The following KCP variants were observed in gnomAD, a reference collection of about 807,000 sequenced individuals.
KCP encodes the protein kielin/chordin-like protein.
In KCP, 194 loss-of-function variants were observed where a neutral mutation model predicts 212.7. That is an observed-to-expected ratio of 0.91 (90% confidence interval 0.81 to 1.03). The LOEUF (loss-of-function observed/expected upper bound fraction) is 1.03. Among genes scored for constraint, KCP ranks in the 50% least tolerant of loss-of-function variants. The probability of loss-of-function intolerance (pLI) is 0.00; values close to 1 mark genes in which losing one functional copy is unlikely to be tolerated. For missense variants in KCP, 2,080 were observed against 2,162.5 expected (o/e 0.96, Z 0.76); for synonymous variants, 833 against 865.3 (o/e 0.96, Z 0.65).
rs1039886502 is a variant in KCP at position 128,877,774 on chromosome 7, C to T, written c.4328G>A (p.Trp1443Ter). The T allele has an allele frequency of 1.3e-6, 2 of 1,548,410 alleles. No individual in the cohort carries two copies. The highest frequency in any genetic ancestry group is 2.7e-5 in the African/African-American group (2 of 73,026). The change falls in exon 39 of 40, where the codon TGG (tryptophan) becomes TAG (stop). Residue 1443 changes from tryptophan to a stop codon, truncating the protein, a stop_gained. Transcript: ENST00000610776. LOFTEE classifies it high-confidence loss of function. ...GNSWQVSEGL[W>*]PGRPCSAGRE... The stretch of plus-strand genomic sequence containing the variant: ...GCCTGCAGAACAGGGCCGGCCAGGC[C>T]ACAGCCCCTCTGAGACCTGGGTGGG...
chr7:128,907,137 G>A lies in KCP; in HGVS notation c.450C>T (p.Thr150=). 6.4e-7 allele frequency: 1 copy of A among 1,551,524 alleles called. No individual in the cohort carries two copies. Among genetic ancestry groups the A allele is most frequent in the South Asian group, 1.2e-5 (1 of 84,032 alleles). ...AGGTGGTGCAGGCATCTGGGGAGAAGGTCTCCCCGTTGCCGTAGGTCTGGC... is the reference window on the plus strand; with the variant it reads ...AGGTGGTGCAGGCATCTGGGGAGAAAGTCTCCCCGTTGCCGTAGGTCTGGC... ...QNGQTYGNGE[T]FSPDACTTCR... Residue 150 remains threonine, a synonymous_variant, in exon 4 of 40, where the codon ACC becomes ACT. Transcript: ENST00000610776.
intron 6 of KCP, 68 bp from the exon 7 acceptor site, chr7:128,903,888 G>C: frequency 1.5e-6 from 2 of 1,329,024 alleles, no homozygotes; most frequent in Non-Finnish European, 2.1e-6. Context: ...GGCGGGTGTT[G>C]GGCACCCTCG....
At chr7:128,889,168 T>A in intron 21 of KCP, 129 bp from the exon 22 acceptor site, 7 of 251,056 alleles carry the variant, frequency 2.8e-5, no homozygotes, top group Non-Finnish European at 4.2e-5. Flanking sequence ...GGCTGGGGGG[T>A]CACAGGCCAA....
At chr7:128,895,601 C>A (rs1208280015) in intron 8 of KCP, among the ~76,000 whole-genome samples, 2 of 152,190 alleles carry the variant, frequency 1.3e-5, no homozygotes, top group Admixed American at 1.3e-4. Context: ...GCTGTATTCC[C>A]AGATGGTTAG....
At chr7:128,903,668 C>A in intron 7 of KCP, 59 bp downstream of exon 7, 1 of 1,396,732 alleles carries the variant, frequency 7.2e-7, no homozygotes, top group Non-Finnish European at 9.6e-7. Flanking sequence ...CTCTGGAATT[C>A]AAGAAATGGC....
intron 8 of KCP, among the ~76,000 whole-genome samples, chr7:128,898,906 T>A (rs952395731): frequency 9.9e-5 from 15 of 152,240 alleles, no homozygotes; most frequent in Non-Finnish European, 4.4e-5. Flanking sequence ...CTGCTTGTAA[T>A]CTGCTCTTTA....
intron 8 of KCP, 45 bp downstream of exon 8, chr7:128,902,732 T>C: frequency 6.7e-7 from 1 of 1,497,708 alleles, no homozygotes; most frequent in Non-Finnish European, 9.1e-7. Flanking sequence ...ACAGTGGGCC[T>C]GAGGGCAGGG....
chr7:128,905,513 C>T lies in KCP; in HGVS notation c.571+766G>A, dbSNP rs542066848. On this transcript the variant is annotated intron_variant, in intron 5 of 39. Coordinates refer to ENST00000610776, the MANE Select transcript of KCP (RefSeq NM_001366122.1). ...ACCCAGCCAGTCACCGGCTCCTGCCCGTCCTTTAGAAACATCCCCCTTTCT... is the reference window on the plus strand; with the variant it reads ...ACCCAGCCAGTCACCGGCTCCTGCCTGTCCTTTAGAAACATCCCCCTTTCT... 8.5e-5 allele frequency among the ~76,000 whole-genome samples: 13 copies of T among 152,270 alleles called. No individual in the cohort carries two copies. In the South Asian group the frequency reaches 2.5e-3, roughly 29 times the overall value.
intron 6 of KCP, 74 bp from the exon 7 acceptor site, chr7:128,903,894 C>A: frequency 7.3e-7 from 1 of 1,376,628 alleles, no homozygotes; most frequent in Non-Finnish European, 1.0e-6. Flanking sequence ...TGTTGGGCAC[C>A]CTCGGAGGAG....
At chr7:128,896,395 CCCCTCTGGGTAAAAT>C (rs1352126140) in intron 8 of KCP, among the ~76,000 whole-genome samples, 2 of 152,210 alleles carry the variant, frequency 1.3e-5, no homozygotes, top group East Asian at 1.9e-4. Context: ...GGGTTAGAGG[CCCCTCTGGGTAAAAT>C]CCCTCCCGGT....
chr7:128,885,596 G>A (rs746141773), intron 26 of KCP, among the ~76,000 whole-genome samples: 2 of 152,180 alleles, frequency 1.3e-5, no homozygotes, highest in Non-Finnish European at 2.9e-5. Flanking sequence ...TGGACCAGGT[G>A]AATGGCTCCA....
In KCP at chr7:128,890,373, C is replaced by A; in HGVS notation, c.2305G>T (p.Ala769Ser). 6.4e-7 allele frequency: 1 copy of A among 1,551,402 alleles called. No individual in the cohort carries two copies. Among genetic ancestry groups the A allele is most frequent in the Non-Finnish European group, 8.7e-7 (1 of 1,147,002 alleles). The change falls in exon 21 of 40, where the codon GCC becomes TCC. Residue 769 changes from alanine to serine, a missense_variant. Physicochemically the swap from Ala to Ser is moderately conservative, Grantham distance 99. Coordinates refer to ENST00000610776, the MANE Select transcript of KCP (RefSeq NM_001366122.1). ...ACAPALCPFP[A>S]RGDCCPDCDG... ...CAGTCAGGGCAGCAGTCGCCCCTGG[C>A]AGGGAAGGGGCACAGTGCAGGGGCA...
chr7:128,880,292 C>T (rs1192207562), intron 34 of KCP, 94 bp downstream of exon 34: 1 of 1,425,812 alleles, frequency 7.0e-7, no homozygotes, highest in Non-Finnish European at 9.3e-7. Context: ...CGGCAGGAGC[C>T]CAGCCTCCCT....
At chr7:128,883,183 A>G (rs1023368812) in intron 29 of KCP, among the ~76,000 whole-genome samples, 11 of 147,018 alleles carry the variant, frequency 7.5e-5, no homozygotes, top group African/African-American at 2.8e-4. Flanking sequence ...CTCTGTTGCC[A>G]GGTTGCAGTG....
chr7:128,892,611 C>G lies in KCP; in HGVS notation c.1528-4G>C. 1 of 1,550,804 alleles carries G rather than the reference C, an allele frequency of 6.4e-7. No homozygotes were observed. Among genetic ancestry groups the G allele is most frequent in the Non-Finnish European group, 8.7e-7 (1 of 1,146,380 alleles). On this transcript the variant is annotated splice_region_variant and splice_polypyrimidine_tract_variant and intron_variant, in intron 15 of 39. Coordinates refer to ENST00000610776, the MANE Select transcript of KCP (RefSeq NM_001366122.1). ...AGGAGCATGTCACAGTTCCATCCTG[C>G]GAGAGAGCAGGGGAGAGAGCAATCG...
intron 18 of KCP, 70 bp downstream of exon 18, chr7:128,891,381 G>A (rs1385434621): frequency 8.4e-6 from 13 of 1,545,992 alleles, no homozygotes; most frequent in Non-Finnish European, 8.7e-7. Context: ...CCACCTGGGC[G>A]GGCCTCTCCT....
Position 128,891,080 on chromosome 7 carries a change from G to A in KCP, c.1989C>T (p.Ala663=), listed in dbSNP as rs1433573968. Residue 663 remains alanine (A), a synonymous_variant, in exon 20 of 40, where the codon GCC becomes GCT. Coordinates refer to ENST00000610776, the MANE Select transcript of KCP (RefSeq NM_001366122.1). ...GGGCCGCGCCGGGCCGTGGGCAGCCGGCGGGGGCTGGGGCGGCTGCGGCGA... is the reference window on the plus strand; with the variant it reads ...GGGCCGCGCCGGGCCGTGGGCAGCCAGCGGGGGCTGGGGCGGCTGCGGCGA... The part of the protein sequence containing the change: ...CPQCPAAPAP[A]GCPRPGAAHA... 5.6e-6 allele frequency: 8 copies of A among 1,419,128 alleles called. No individual in the cohort carries two copies. Among genetic ancestry groups the A allele is most frequent in the Non-Finnish European group, 7.3e-6 (8 of 1,093,450 alleles). The allele number at this position is 1,419,128 out of a possible 1,614,324, so 87.9% of individuals were successfully genotyped here.
At chr7:128,908,356 A>C in intron 2 of KCP, 70 bp downstream of exon 2, 1 of 1,452,748 alleles carries the variant, frequency 6.9e-7, no homozygotes, top group Non-Finnish European at 9.2e-7. Context: ...TCCAAGCCTA[A>C]CTCCTTCTCT....
chr7:128,907,910 C>T (rs1022013843), intron 2 of KCP, among the ~76,000 whole-genome samples: 3 of 152,054 alleles, frequency 2.0e-5, no homozygotes, highest in African/African-American at 7.2e-5. Flanking sequence ...GGGCAGATCA[C>T]CTAAGGTCAG....
Sources: allele counts gnomAD v4.1 joint callset (sites outside exome capture counted in the v4.1 genomes callset), GRCh38; gene constraint gnomAD v4.1.1; transcripts MANE v1.5; gene names NCBI Gene and HGNC (gene_info 2026-07-23, HGNC 2026-07-21).